Variants in TANC2 observed in about 807,000 individuals in gnomAD.
The protein encoded by TANC2 is protein TANC2.
A neutral mutation model predicts 210.5 loss-of-function variants in TANC2; 26 were observed. The observed-to-expected ratio is 0.12, with a 90% confidence interval of 0.09 to 0.17. The LOEUF (loss-of-function observed/expected upper bound fraction) is 0.17. TANC2 is among the 10% of genes least tolerant of loss of function. The pLI is 1.00. For synonymous variants in TANC2, 931 were observed against 967.1 expected (o/e 0.96, Z 0.69); for missense variants, 2,129 against 2,608.9 (o/e 0.82, Z 4.01).
At chr17:63,046,968 G>C (rs1411291311) in intron 2 of TANC2, among the ~76,000 whole-genome samples, 3 of 152,118 alleles carry the variant, frequency 2.0e-5, no homozygotes, top group Non-Finnish European at 4.4e-5. Flanking sequence ...GAAATGGAGA[G>C]GGGGAGATCT....
intron 9 of TANC2, among the ~76,000 whole-genome samples, chr17:63,285,385 T>G (rs903646606): frequency 6.6e-6 from 1 of 152,194 alleles, no homozygotes; most frequent in African/African-American, 2.4e-5. Context: ...TGTTATTGTT[T>G]GTTCACTGTA....
At chr17:63,194,016 C>T (rs1253136034) in exon 6 of TANC2, 8 of 1,612,898 alleles carry the variant, frequency 5.0e-6, no homozygotes, top group African/African-American at 4.0e-5. Context: ...AGCTTGGCCC[C>T]CCTCCATCTG....
At chr17:63,203,865 T>C (rs1015829473) in intron 7 of TANC2, among the ~76,000 whole-genome samples, 1 of 152,096 alleles carries the variant, frequency 6.6e-6, no homozygotes, top group African/African-American at 2.4e-5. Flanking sequence ...GGGAGACACA[T>C]GTTCCAAGGA....
At position 63,420,344 on chromosome 17, in the gene TANC2, C is replaced by T. The variant is rs373302715; in HGVS notation, c.4614C>T (p.Tyr1538=). Reference sequence around the variant, plus strand: ...CTCCCCCGCATCGGGACTCAGCCTACATCTCCAGCTCACCTCTTGGCTCTC... The same window carrying T: ...CTCCCCCGCATCGGGACTCAGCCTATATCTCCAGCTCACCTCTTGGCTCTC... The change falls in exon 28 of 28, where the codon TAC becomes TAT. Residue 1538 remains tyrosine (Y), a synonymous_variant. Transcript: ENST00000689528. The surrounding 1 kb of genome is among the most constrained non-coding windows in gnomAD (Gnocchi z 4.2). The T allele has an allele frequency of 3.1e-6, 5 of 1,613,896 alleles. No homozygotes were observed. In the Admixed American group the frequency reaches 8.3e-5, roughly 27 times the overall value.
At chr17:63,400,429 A>G (rs1599037823) in intron 19 of TANC2, among the ~76,000 whole-genome samples, 1 of 152,300 alleles carries the variant, frequency 6.6e-6, no homozygotes, top group African/African-American at 2.4e-5. Flanking sequence ...TTTTTAAAAT[A>G]TTTTATTCCT....
At position 63,166,327 on chromosome 17, in the gene TANC2, GAGAT is replaced by G. The variant is rs201512786; in HGVS notation, c.433+14951_433+14954del. ...GATAGCACAGAGAGAGAGAGAGAGAGAGATAGAGATTGTTTGGAGGACTTTTTTT... is the reference window on the plus strand; with the variant it reads ...GATAGCACAGAGAGAGAGAGAGAGAGAGAGATTGTTTGGAGGACTTTTTTT... On this transcript the variant is annotated intron_variant, in intron 5 of 27. Transcript: ENST00000689528. Among the ~76,000 whole-genome samples, 32 of 152,084 alleles carry G rather than the reference GAGAT, an allele frequency of 2.1e-4. No homozygotes were observed. In the East Asian group the frequency reaches 4.8e-3, roughly 23 times the overall value.
intron 7 of TANC2, among the ~76,000 whole-genome samples, chr17:63,234,540 A>G (rs1005281819): frequency 5.9e-5 from 9 of 151,992 alleles, no homozygotes; most frequent in African/African-American, 1.9e-4. Flanking sequence ...CTATTTTCCT[A>G]TGACTTTTGT....
rs560135615 is a variant in TANC2, at chr17:63,114,138, G to A, written c.322+14781G>A. On this transcript the variant is annotated intron_variant, in intron 4 of 27. Coordinates refer to ENST00000689528, the Ensembl canonical transcript of TANC2. The stretch of plus-strand genomic sequence containing the variant: ...TAAAAACATTCTGAAAGAACCACCT[G>A]CCAACTCATGACCTTTTTCAAATGT... Among the ~76,000 whole-genome samples, 4 of 152,220 alleles carry A rather than the reference G, an allele frequency of 2.6e-5. No individual in the cohort carries two copies. The East Asian group carries it at 5.8e-4, about 22-fold the overall frequency.
chr17:63,376,859 C>G (rs1162640996), intron 14 of TANC2, among the ~76,000 whole-genome samples: 1 of 150,044 alleles, frequency 6.7e-6, no homozygotes, highest in African/African-American at 2.5e-5. Context: ...ACTCTGTTGC[C>G]CAGGCTGGAG....
intron 4 of TANC2, among the ~76,000 whole-genome samples, chr17:63,123,683 CTTTTTTT>C (rs957485298): frequency 2.9e-4 from 27 of 93,888 alleles, no homozygotes; most frequent in African/African-American, 8.5e-4. Flanking sequence ...TAGGTAAAAT[CTTTTTTT>C]TTTTTTTTTT....
intron 2 of TANC2, among the ~76,000 whole-genome samples, chr17:63,029,100 A>T (rs2034666194): frequency 6.6e-6 from 1 of 152,128 alleles, no homozygotes; most frequent in Non-Finnish European, 1.5e-5. Flanking sequence ...CAGATTCAGC[A>T]TACATTTATT....
chr17:63,071,801 C>CT (rs1294713882), intron 2 of TANC2, among the ~76,000 whole-genome samples: 3 of 152,110 alleles, frequency 2.0e-5, no homozygotes, highest in East Asian at 3.9e-4. Flanking sequence ...CTGATTAGTG[C>CT]TTTTTTAACA....
At chr17:63,170,806 C>CT (rs1293947806) in intron 5 of TANC2, among the ~76,000 whole-genome samples, 1 of 152,174 alleles carries the variant, frequency 6.6e-6, no homozygotes, top group African/African-American at 2.4e-5. Flanking sequence ...TAGAGTTGGA[C>CT]TACAAGATCC....
chr17:63,016,926 A>T (rs2034134706), intron 2 of TANC2, among the ~76,000 whole-genome samples: 1 of 152,086 alleles, frequency 6.6e-6, no homozygotes, highest in Admixed American at 6.5e-5. Flanking sequence ...TGGAGGAGTT[A>T]TTTATATGTT....
At chr17:63,256,234 T>G (rs1222596839) in intron 8 of TANC2, among the ~76,000 whole-genome samples, 1 of 152,186 alleles carries the variant, frequency 6.6e-6, no homozygotes, top group Non-Finnish European at 1.5e-5. Flanking sequence ...AGGCACTTAT[T>G]GCTGTAAATT....
At chr17:63,367,102 AGTACTGAATT>A (rs1316082587) in intron 14 of TANC2, among the ~76,000 whole-genome samples, 1 of 152,254 alleles carries the variant, frequency 6.6e-6, no homozygotes, top group East Asian at 1.9e-4. Flanking sequence ...AGTCAAATTG[AGTACTGAATT>A]GGAAAGTGAA....
chr17:63,120,264 A>C (rs182771180), intron 4 of TANC2, among the ~76,000 whole-genome samples: 35 of 152,226 alleles, frequency 2.3e-4, no homozygotes, highest in African/African-American at 7.9e-4. Flanking sequence ...AAAATCCACT[A>C]TAGACCTCCC....
At chr17:63,160,447 A>T (rs1351824308) in intron 5 of TANC2, among the ~76,000 whole-genome samples, 2 of 152,236 alleles carry the variant, frequency 1.3e-5, no homozygotes, top group African/African-American at 4.8e-5. Context: ...TTGACTTTTT[A>T]AAATTACGTT....
intron 5 of TANC2, among the ~76,000 whole-genome samples, chr17:63,163,299 T>G (rs1429687271): frequency 6.6e-6 from 1 of 152,026 alleles, no homozygotes; most frequent in Non-Finnish European, 1.5e-5. Context: ...TGGGAGTGGG[T>G]GACTGAAAGA....
Sources: allele counts gnomAD v4.1 joint callset (sites outside exome capture counted in the v4.1 genomes callset), GRCh38; gene constraint gnomAD v4.1.1; non-coding constraint Gnocchi (gnomAD v3.1); transcripts MANE v1.5; gene names NCBI Gene and HGNC (gene_info 2026-07-23, HGNC 2026-07-21).